Variants in HMCN1 observed in about 807,000 individuals in gnomAD.
HMCN1 encodes hemicentin 1.
A neutral mutation model predicts 625.9 loss-of-function variants in HMCN1; 321 were observed. That is an observed-to-expected ratio of 0.51 (90% CI 0.47 to 0.56). HMCN1 has a LOEUF of 0.56. Among genes scored for constraint, HMCN1 ranks in the 20% least tolerant of loss-of-function variants. The pLI, the probability that HMCN1 is intolerant of heterozygous loss-of-function variation, is 0.00. For missense variants in HMCN1, 6,588 were observed against 6,887.3 expected (o/e 0.96, Z 1.54); for synonymous variants, 2,425 against 2,417.6 (o/e 1.00, Z -0.09).
chr1:186,145,907 T>A lies in HMCN1; in HGVS notation c.14592T>A (p.Asn4864Lys), dbSNP rs751148091. The change falls in exon 93 of 107, where the codon AAT (asparagine) becomes AAA (lysine). Residue 4864 changes from asparagine (N) to lysine (K), a missense_variant. Around this residue, in one of 3 missense-constraint regions of HMCN1, gnomAD observed 1,954 missense variants for 2,013.1 expected, o/e 0.97. Coordinates refer to ENST00000271588, the MANE Select transcript of HMCN1 (RefSeq NM_031935.3). ...PGDTTQVTRCNVQACPGGPQR... is the reference protein window; with the variant it reads ...PGDTTQVTRCKVQACPGGPQR... ...ACACTACTCAGGTGACCAGGTGCAA[T>A]GTACAAGCATGTCCAGGTAAGCAAC... The A allele has an allele frequency of 6.2e-7, 1 of 1,613,932 alleles. No individual in the cohort carries two copies. The highest frequency in any genetic ancestry group is 8.5e-7 in the Non-Finnish European group (1 of 1,179,984).
In HMCN1 at chr1:186,152,910, A is replaced by G. The variant is rs756051395; in HGVS notation, c.15018+39A>G. The G allele has an allele frequency of 7.4e-6, 12 of 1,611,150 alleles. No homozygotes were observed. In the East Asian group the frequency reaches 2.5e-4, roughly 33 times the overall value. On this transcript the variant is annotated intron_variant, in intron 96 of 106. Coordinates refer to ENST00000271588, the MANE Select transcript of HMCN1 (RefSeq NM_031935.3). ...ATAACTTGTCTTTGCTGCTTATTAGAGTAATGATGAGTGAAAGGTCCATAG... is the reference window on the plus strand; with the variant it reads ...ATAACTTGTCTTTGCTGCTTATTAGGGTAATGATGAGTGAAAGGTCCATAG...
intron 57 of HMCN1, among the ~76,000 whole-genome samples, chr1:186,083,717 T>C (rs188771908): frequency 1.2e-4 from 18 of 152,294 alleles, no homozygotes; most frequent in African/African-American, 4.3e-4. Flanking sequence ...AAAGGACTTT[T>C]ATGTAGTATG....
intron 38 of HMCN1, among the ~76,000 whole-genome samples, 168 bp downstream of exon 38, chr1:186,039,173 TA>T (rs1463134444): frequency 6.6e-6 from 1 of 152,228 alleles, no homozygotes; most frequent in Admixed American, 6.6e-5. Context: ...TGATTCCTAT[TA>T]AAATGCTCAA....
chr1:186,105,342 C>G (rs1195435281), intron 69 of HMCN1, among the ~76,000 whole-genome samples: 2 of 152,162 alleles, frequency 1.3e-5, no homozygotes, highest in Non-Finnish European at 2.9e-5. Flanking sequence ...TTTGTATATA[C>G]TTCTGTAGTA....
At chr1:185,872,126 T>C (rs1663656732) in intron 4 of HMCN1, among the ~76,000 whole-genome samples, 1 of 152,240 alleles carries the variant, frequency 6.6e-6, no homozygotes, top group African/African-American at 2.4e-5. Context: ...TTCTTTGAAT[T>C]CACCTGTGGA....
intron 10 of HMCN1, among the ~76,000 whole-genome samples, chr1:185,929,337 T>C (rs1667431266): frequency 6.6e-6 from 1 of 152,160 alleles, no homozygotes; most frequent in Admixed American, 6.6e-5. Flanking sequence ...TTCCTATGAA[T>C]AGATGGGAGA....
At chr1:185,777,247 T>C (rs1264552387) in intron 1 of HMCN1, among the ~76,000 whole-genome samples, 2 of 152,188 alleles carry the variant, frequency 1.3e-5, no homozygotes, top group Admixed American at 6.5e-5. Context: ...CCTCTCCATC[T>C]TCCCCTGTTC....
At chr1:186,057,190 C>A (rs774189041) in intron 45 of HMCN1, 44 bp from the exon 46 acceptor site, 9 of 1,490,300 alleles carry the variant, frequency 6.0e-6, no homozygotes, top group African/African-American at 1.4e-5. Flanking sequence ...GTATATCAGG[C>A]AACTAATATT....
chr1:186,036,404 T>G (rs1655825521), intron 36 of HMCN1, among the ~76,000 whole-genome samples: 1 of 151,970 alleles, frequency 6.6e-6, no homozygotes, highest in African/African-American at 2.4e-5. Context: ...GAGAAGAGAA[T>G]GAAAGCCAAG....
intron 1 of HMCN1, among the ~76,000 whole-genome samples, chr1:185,812,879 G>A (rs932397273): frequency 2.0e-5 from 3 of 151,846 alleles, no homozygotes; most frequent in African/African-American, 7.3e-5. Flanking sequence ...TTTATGTAAG[G>A]GAGAATATAT....
At chr1:186,042,900 G>C (rs1447334323) in intron 40 of HMCN1, among the ~76,000 whole-genome samples, 1 of 152,086 alleles carries the variant, frequency 6.6e-6, no homozygotes, top group African/African-American at 2.4e-5. Flanking sequence ...ACGCTGTTGG[G>C]GGGTGGAATA....
intron 4 of HMCN1, among the ~76,000 whole-genome samples, chr1:185,868,806 G>T (rs546509195): frequency 1.8e-4 from 28 of 152,226 alleles, no homozygotes; most frequent in South Asian, 8.3e-4. Flanking sequence ...ATAAAAATTT[G>T]ATGTAAATTC....
intron 10 of HMCN1, among the ~76,000 whole-genome samples, chr1:185,930,433 ACTT>A (rs1448245161): frequency 3.3e-5 from 5 of 152,130 alleles, no homozygotes; most frequent in Non-Finnish European, 7.4e-5. Context: ...CACTGTAACT[ACTT>A]ATCAGCACAC....
intron 8 of HMCN1, among the ~76,000 whole-genome samples, chr1:185,924,441 C>T (rs989058141): frequency 1.3e-5 from 2 of 151,686 alleles, no homozygotes; most frequent in African/African-American, 4.8e-5. Flanking sequence ...TTGTATAGTA[C>T]TATTAGTGCT....
intron 88 of HMCN1, 50 bp downstream of exon 88, chr1:186,137,718 TC>T (rs1558251699): frequency 6.2e-7 from 1 of 1,613,900 alleles, no homozygotes; most frequent in Admixed American, 1.7e-5. Context: ...GACCTTCATT[TC>T]TGTCTTCTAC....
intron 1 of HMCN1, among the ~76,000 whole-genome samples, chr1:185,770,704 A>C (rs1656183739): frequency 6.6e-6 from 1 of 152,180 alleles, no homozygotes; most frequent in African/African-American, 2.4e-5. Context: ...AATCTTTTTC[A>C]GCATTTATAC....
chr1:185,942,553 C>T (rs540345116), intron 11 of HMCN1, among the ~76,000 whole-genome samples: 1 of 152,266 alleles, frequency 6.6e-6, no homozygotes, highest in Admixed American at 6.5e-5. Context: ...TTTGGGAGTT[C>T]ATATCATACT....
intron 105 of HMCN1, among the ~76,000 whole-genome samples, chr1:186,184,530 C>G (rs967708173): frequency 6.6e-6 from 1 of 152,090 alleles, no homozygotes; most frequent in Non-Finnish European, 1.5e-5. Context: ...CTAAAGGACC[C>G]TTATGCTAAT....
chr1:186,166,118 C>CTTTAATA (rs1045776005), intron 98 of HMCN1, 66 bp from the exon 99 acceptor site: 1 of 1,583,332 alleles, frequency 6.3e-7, no homozygotes, highest in African/African-American at 1.3e-5. Flanking sequence ...TTTTTACTGG[C>CTTTAATA]TTTAATAACT....
Sources: gnomAD v4.1 joint callset for allele counts (sites outside exome capture counted in the v4.1 genomes callset) on GRCh38, gnomAD v4.1.1 for gene constraint, gnomAD v4.1.1 regional missense constraint, MANE v1.5 for transcripts, NCBI Gene and HGNC (gene_info 2026-07-23, HGNC 2026-07-21) for gene names.